ATL2: variants seen among roughly 807,000 people sequenced by gnomAD.
ATL2 encodes the protein atlastin-2.
Under a neutral mutation model 73.9 loss-of-function variants are expected in ATL2, and 31 were observed. That is an observed-to-expected ratio of 0.42 (90% CI 0.32 to 0.57). The LOEUF (loss-of-function observed/expected upper bound fraction) is 0.57. Among genes scored for constraint, ATL2 ranks in the 20% least tolerant of loss-of-function variants. ATL2 has a pLI of 0.14. For synonymous variants in ATL2, 291 were observed against 237.5 expected (o/e 1.23, Z -2.07); for missense variants, 738 against 702.6 (o/e 1.05, Z -0.57).
At chr2:38,321,464 T>C (rs1668317207) in intron 2 of ATL2, among the ~76,000 whole-genome samples, 1 of 152,108 alleles carries the variant, frequency 6.6e-6, no homozygotes, top group Non-Finnish European at 1.5e-5. Flanking sequence ...TTCACAGGAA[T>C]CAGAAGATTA....
intron 2 of ATL2, among the ~76,000 whole-genome samples, chr2:38,322,627 G>A (rs954734335): frequency 3.3e-5 from 5 of 152,044 alleles, no homozygotes; most frequent in African/African-American, 1.2e-4. Flanking sequence ...AAAAAGAATT[G>A]GTGTCTCATA....
intron 2 of ATL2, among the ~76,000 whole-genome samples, chr2:38,324,278 C>CA (rs902229634): frequency 2.9e-4 from 44 of 151,854 alleles, no homozygotes; most frequent in African/African-American, 8.9e-4. Context: ...AACTCAGTCT[C>CA]AAAAAAAACA....
chr2:38,303,175 C>G (rs1012170782), intron 9 of ATL2, among the ~76,000 whole-genome samples: 2 of 152,120 alleles, frequency 1.3e-5, no homozygotes, highest in African/African-American at 4.8e-5. Context: ...AAAAATGCAA[C>G]TGACATACTG....
At chr2:38,323,599 A>C (rs779085170) in intron 2 of ATL2, among the ~76,000 whole-genome samples, 5 of 152,142 alleles carry the variant, frequency 3.3e-5, no homozygotes, top group Non-Finnish European at 2.9e-5. Flanking sequence ...AACCTTACCT[A>C]TTCTAAACAG....
chr2:38,369,587 A>AT (rs1047482576), intron 1 of ATL2, among the ~76,000 whole-genome samples: 2,316 of 146,018 alleles, frequency 0.016, 45 homozygotes, highest in African/African-American at 0.054. Context: ...TGCTCGGCCA[A>AT]TTTTTTTTTT....
At chr2:38,376,989 T>G (rs1338808470) in intron 1 of ATL2, among the ~76,000 whole-genome samples, 154 bp downstream of exon 1, 2 of 151,200 alleles carry the variant, frequency 1.3e-5, no homozygotes, top group African/African-American at 2.4e-5. Flanking sequence ...GGGGCGCGGC[T>G]GAGGCTAGGC....
intron 1 of ATL2, among the ~76,000 whole-genome samples, chr2:38,369,711 C>A (rs1573598368): frequency 6.6e-6 from 1 of 151,592 alleles, no homozygotes; most frequent in Non-Finnish European, 1.5e-5. Flanking sequence ...GACCCTATCT[C>A]AAAAATAAGT....
chr2:38,313,278 C>T (rs1438075396), intron 6 of ATL2, 35 bp from the exon 7 acceptor site: 1 of 1,487,046 alleles, frequency 6.7e-7, no homozygotes, highest in African/African-American at 1.4e-5. Context: ...GTTTATTTTA[C>T]AATAAAGAAA....
At chr2:38,332,110 C>A (rs1669031058) in intron 2 of ATL2, among the ~76,000 whole-genome samples, 1 of 152,146 alleles carries the variant, frequency 6.6e-6, no homozygotes, top group Non-Finnish European at 1.5e-5. Flanking sequence ...TCCACAGAGA[C>A]AGAAAATAGA....
intron 2 of ATL2, among the ~76,000 whole-genome samples, chr2:38,327,678 G>C (rs1168595789): frequency 1.3e-5 from 2 of 152,174 alleles, no homozygotes; most frequent in African/African-American, 2.4e-5. Context: ...GTGCACATCT[G>C]TAATCCCAGC....
At chr2:38,317,067 T>C (rs1331994756) in intron 4 of ATL2, among the ~76,000 whole-genome samples, 1 of 152,086 alleles carries the variant, frequency 6.6e-6, no homozygotes, top group East Asian at 1.9e-4. Flanking sequence ...TTCTTTCCAC[T>C]CTGATGGCTA....
chr2:38,366,521 C>G (rs1671339844), intron 1 of ATL2, among the ~76,000 whole-genome samples: 1 of 152,106 alleles, frequency 6.6e-6, no homozygotes, highest in Non-Finnish European at 1.5e-5. Flanking sequence ...TACTGCCTAT[C>G]TTTTTTATCT....
chr2:38,314,564 C>T, intron 6 of ATL2, 44 bp downstream of exon 6: 1 of 1,432,290 alleles, frequency 7.0e-7, no homozygotes, highest in Non-Finnish European at 9.8e-7. Flanking sequence ...GGCTTCACAA[C>T]TTCTCATAGG....
chr2:38,302,751 A>G (rs1667254237), intron 9 of ATL2, among the ~76,000 whole-genome samples: 1 of 152,050 alleles, frequency 6.6e-6, no homozygotes, highest in East Asian at 1.9e-4. Flanking sequence ...GAGCCACAGC[A>G]TTATGGGCTT....
rs541325892 is a variant in ATL2, at chr2:38,365,134, T to TACACACACACACAC, written c.118+11995_118+12008dup. On this transcript the variant is annotated intron_variant, in intron 1 of 12. Coordinates refer to ENST00000378954, the MANE Select transcript of ATL2 (RefSeq NM_001135673.4). ...GGATAGCCAGTTAGCAAGGGAATCA[T>TACACACACACACAC]ACACACACACACACACACACACACA... 1.1e-3 allele frequency among the ~76,000 whole-genome samples: 142 copies of TACACACACACACAC among 132,722 alleles called. 1 individual carries two copies. Among genetic ancestry groups the TACACACACACACAC allele is most frequent in the East Asian group, 6.4e-3 (28 of 4,380 alleles). 87.1% of individuals were successfully genotyped at this position (132,722 alleles called of 152,430 possible).
At chr2:38,336,749 A>G (rs1327155147) in intron 2 of ATL2, among the ~76,000 whole-genome samples, 1 of 152,238 alleles carries the variant, frequency 6.6e-6, no homozygotes, top group Non-Finnish European at 1.5e-5. Context: ...AAGTTGAAAT[A>G]TAATTATCAC....
chr2:38,342,987 AAAG>A (rs1392913037), intron 2 of ATL2, among the ~76,000 whole-genome samples: 1 of 151,470 alleles, frequency 6.6e-6, no homozygotes, highest in Non-Finnish European at 1.5e-5. Context: ...AAAAAAAAAA[AAAG>A]TTTTTTTAAG....
chr2:38,296,432 A>G (rs1429792672), intron 12 of ATL2: 1 of 1,558,336 alleles, frequency 6.4e-7, no homozygotes, highest in East Asian at 2.4e-5. Flanking sequence ...TTATTGTCCT[A>G]CATGTGTAAG....
chr2:38,302,446 C>T (rs1365756998), intron 9 of ATL2, among the ~76,000 whole-genome samples: 1 of 152,110 alleles, frequency 6.6e-6, no homozygotes, highest in Non-Finnish European at 1.5e-5. Context: ...GATTGTAGAA[C>T]CTCTGGGCCT....
Sources: allele counts gnomAD v4.1 joint callset (sites outside exome capture counted in the v4.1 genomes callset), GRCh38; gene constraint gnomAD v4.1.1; transcripts MANE v1.5; gene names NCBI Gene and HGNC (gene_info 2026-07-23, HGNC 2026-07-21).